Variants in TSHZ2 observed in about 807,000 individuals in gnomAD.
TSHZ2 encodes the protein teashirt zinc finger homeobox 2, also known as teashirt homolog 2.
TSHZ2 carries 21 observed loss-of-function variants against 74.4 expected under a neutral mutation model. That is an observed-to-expected ratio of 0.28 (90% confidence interval 0.20 to 0.41). The LOEUF (loss-of-function observed/expected upper bound fraction) is 0.41. Among genes scored for constraint, TSHZ2 ranks in the 10% least tolerant of loss-of-function variants. The pLI is 1.00. For missense variants in TSHZ2, 1,244 were observed against 1,293.5 expected (o/e 0.96, Z 0.59); for synonymous variants, 540 against 515.3 (o/e 1.05, Z -0.65).
intron 2 of TSHZ2, among the ~76,000 whole-genome samples, chr20:53,444,315 C>T (rs781242878): frequency 3.3e-5 from 5 of 152,222 alleles, no homozygotes; most frequent in Non-Finnish European, 7.3e-5. Context: ...CCACACACGG[C>T]TCCATCTCAA....
At chr20:53,257,307 CA>C (rs1165638915) in intron 2 of TSHZ2, among the ~76,000 whole-genome samples, 1 of 152,164 alleles carries the variant, frequency 6.6e-6, no homozygotes, top group Non-Finnish European at 1.5e-5. Context: ...TATTAGAGCC[CA>C]CCTTTAACAA....
chr20:53,024,505 TA>T (rs541529166), intron 1 of TSHZ2, among the ~76,000 whole-genome samples: 144 of 152,108 alleles, frequency 9.5e-4, no homozygotes, highest in Non-Finnish European at 1.8e-3. Flanking sequence ...AGATTTTTTT[TA>T]TTATTATACT....
Position 53,254,592 on chromosome 20 carries a change from G to C in TSHZ2, c.1134G>C (p.Gln378His). The C allele has an allele frequency of 6.2e-7, 1 of 1,612,430 alleles. No individual in the cohort carries two copies. The highest frequency in any genetic ancestry group is 8.5e-7 in the Non-Finnish European group (1 of 1,178,572). ...YTWQFEACKSQILKCMECGSS... is the reference protein window; with the variant it reads ...YTWQFEACKSHILKCMECGSS... ...GGCAGTTTGAGGCCTGCAAGTCCCA[G>C]ATCTTAAAGTGCATGGAGTGTGGGA... Residue 378 changes from glutamine (Q) to histidine (H), a missense_variant, in exon 2 of 3, where the codon CAG becomes CAC. Gln to His is a conservative substitution (Grantham distance 24, BLOSUM62 0). Around this residue, in one of 6 missense-constraint regions of TSHZ2, gnomAD observed 18 missense variants for 42.1 expected, o/e 0.43. Coordinates refer to ENST00000371497, the MANE Select transcript of TSHZ2 (RefSeq NM_173485.6).
chr20:53,265,227 A>G (rs1052577101), intron 2 of TSHZ2, among the ~76,000 whole-genome samples: 4 of 152,196 alleles, frequency 2.6e-5, no homozygotes, highest in South Asian at 4.1e-4. Context: ...CACATATCCA[A>G]AGAAAGTCCC....
chr20:53,460,790 T>G (rs1985329119), intron 2 of TSHZ2, among the ~76,000 whole-genome samples: 3 of 152,300 alleles, frequency 2.0e-5, no homozygotes, highest in African/African-American at 7.2e-5. Context: ...GCCACAGGTC[T>G]GTTGGAATAC....
chr20:53,355,311 G>A (rs570014662), intron 2 of TSHZ2, among the ~76,000 whole-genome samples: 136 of 152,270 alleles, frequency 8.9e-4, no homozygotes, highest in Non-Finnish European at 1.6e-3. Context: ...TGCATGAAAT[G>A]TTCTCAGTAG....
chr20:53,342,829 T>A (rs1204774668), intron 2 of TSHZ2, among the ~76,000 whole-genome samples: 1 of 152,082 alleles, frequency 6.6e-6, no homozygotes, highest in Non-Finnish European at 1.5e-5. Context: ...CTGTGGAACA[T>A]CTACAGCAGG....
At chr20:53,181,817 A>G (rs540016039) in intron 1 of TSHZ2, among the ~76,000 whole-genome samples, 4 of 152,248 alleles carry the variant, frequency 2.6e-5, no homozygotes, top group South Asian at 4.1e-4. Context: ...GAACCCGGGA[A>G]GCGGAGCTTG....
Position 53,127,845 on chromosome 20 carries a change from T to G in TSHZ2, c.41-125654T>G, listed in dbSNP as rs752006556. 5.9e-5 allele frequency among the ~76,000 whole-genome samples: 9 copies of G among 152,196 alleles called. No homozygotes were observed. In the South Asian group the frequency reaches 8.3e-4, roughly 14 times the overall value. On this transcript the variant is annotated intron_variant, in intron 1 of 2. Transcript: ENST00000371497. ...GGCCAGGAAGAGGCAGAGGCATGAT[T>G]TGAACCCTGACTTGCTGGATCCAAA...
chr20:53,057,958 C>G (rs2123156346), intron 1 of TSHZ2, among the ~76,000 whole-genome samples: 1 of 152,190 alleles, frequency 6.6e-6, no homozygotes, highest in Middle Eastern at 3.4e-3. Context: ...ACCTTTTGGG[C>G]TCCGGGAACC....
At chr20:53,239,577 G>A (rs1990018841) in intron 1 of TSHZ2, among the ~76,000 whole-genome samples, 1 of 152,092 alleles carries the variant, frequency 6.6e-6, no homozygotes, top group Non-Finnish European at 1.5e-5. Flanking sequence ...AAGACCTTGG[G>A]GAGGAGATGC....
At chr20:53,192,608 C>A (rs899055839) in intron 1 of TSHZ2, among the ~76,000 whole-genome samples, 1 of 150,980 alleles carries the variant, frequency 6.6e-6, no homozygotes, top group Admixed American at 6.6e-5. Flanking sequence ...GAATTGGCTG[C>A]CCAGAGAAGG....
chr20:53,096,064 G>A (rs1418317806), intron 1 of TSHZ2, among the ~76,000 whole-genome samples: 1 of 152,158 alleles, frequency 6.6e-6, no homozygotes, highest in East Asian at 1.9e-4. Context: ...GTAGTCTAGG[G>A]TTTAAGGATC....
chr20:53,119,381 G>A (rs981301874), intron 1 of TSHZ2, among the ~76,000 whole-genome samples: 2 of 152,154 alleles, frequency 1.3e-5, no homozygotes, highest in Non-Finnish European at 2.9e-5. Flanking sequence ...TAAGCAAATA[G>A]GGACGAGACA....
At chr20:53,432,386 T>C (rs963328664) in intron 2 of TSHZ2, among the ~76,000 whole-genome samples, 1 of 152,216 alleles carries the variant, frequency 6.6e-6, no homozygotes, top group Non-Finnish European at 1.5e-5. Flanking sequence ...GATGGGCACT[T>C]AGGTTGGTTC....
chr20:53,038,192 C>CAAAAAA lies in TSHZ2; in HGVS notation c.40+64895_40+64900dup, dbSNP rs869242676. ...GGGCGACAAGAGCGGGATTCCGTCTCAAAAAAAAAAAAAAAAAAAAAAAAA... is the reference window on the plus strand; with the variant it reads ...GGGCGACAAGAGCGGGATTCCGTCTCAAAAAAAAAAAAAAAAAAAAAAAAAAAAAAA... On this transcript the variant is annotated intron_variant, in intron 1 of 2. Transcript: ENST00000371497. Among the ~76,000 whole-genome samples, 47 of 53,942 alleles carry CAAAAAA rather than the reference C, an allele frequency of 8.7e-4. 1 individual carries two copies. Among genetic ancestry groups the CAAAAAA allele is most frequent in the Admixed American group, 1.6e-3 (5 of 3,170 alleles). The allele number at this position is 53,942 out of a possible 152,430, so 35.4% of individuals were successfully genotyped here.
intron 1 of TSHZ2, among the ~76,000 whole-genome samples, chr20:53,133,178 A>G (rs1039776569): frequency 6.6e-6 from 1 of 152,032 alleles, no homozygotes. Context: ...CCTTCTTCCA[A>G]CTGGCTTCAG....
Position 53,286,526 on chromosome 20 carries a change from G to T in TSHZ2, c.*8+29955G>T, listed in dbSNP as rs8118992. Among the ~76,000 whole-genome samples the T allele has an allele frequency of 7.8e-3, 1,180 of 151,868 alleles. 8 individuals carry two copies. The highest frequency in any genetic ancestry group is 0.041 in the Middle Eastern group (12 of 294). On this transcript the variant is annotated intron_variant, in intron 2 of 2. Transcript: ENST00000371497. ...TTGTTTTTCTTTTTTTTTGGTCTTAGGGCAGAAATAGCCGGCTTCTCTCCA... is the reference window on the plus strand; with the variant it reads ...TTGTTTTTCTTTTTTTTTGGTCTTATGGCAGAAATAGCCGGCTTCTCTCCA...
chr20:53,156,932 T>G (rs970908531), intron 1 of TSHZ2, among the ~76,000 whole-genome samples: 3 of 152,226 alleles, frequency 2.0e-5, no homozygotes, highest in Admixed American at 6.5e-5. Flanking sequence ...ACGACTTCTA[T>G]CTGCCTAAGA....
Sources: allele counts gnomAD v4.1 joint callset (sites outside exome capture counted in the v4.1 genomes callset), GRCh38; gene constraint gnomAD v4.1.1; regional missense constraint gnomAD v4.1.1; transcripts MANE v1.5; gene names NCBI Gene and HGNC (gene_info 2026-07-23, HGNC 2026-07-21).